The following NCKAP5 variants were observed in gnomAD, a reference collection of about 807,000 sequenced individuals.
NCKAP5 encodes nck-associated protein 5.
Under a neutral mutation model 167.0 loss-of-function variants are expected in NCKAP5, and 92 were observed. That is an observed-to-expected ratio of 0.55 (90% CI 0.47 to 0.66). NCKAP5 has a LOEUF of 0.66. NCKAP5 is among the 30% of genes least tolerant of loss of function. The pLI is 0.00. For synonymous variants in NCKAP5, 891 were observed against 877.4 expected, an observed-to-expected ratio of 1.02 and a Z score of -0.27; for missense variants, 2,378 against 2,315.0, an observed-to-expected ratio of 1.03 and a Z score of -0.56.
At chr2:132,886,987 C>T (rs1692276087) in intron 8 of NCKAP5, among the ~76,000 whole-genome samples, 2 of 152,096 alleles carry the variant, frequency 1.3e-5, no homozygotes, top group Admixed American at 1.3e-4. Context: ...CACTTCTGGT[C>T]CTAAGCATTT....
At chr2:133,024,627 G>T (rs1161599324) in intron 6 of NCKAP5, among the ~76,000 whole-genome samples, 1 of 152,126 alleles carries the variant, frequency 6.6e-6, no homozygotes, top group African/African-American at 2.4e-5. Flanking sequence ...GAAAACAACA[G>T]CTGTGGAAGA....
intron 11 of NCKAP5, 102 bp from the exon 12 acceptor site, chr2:132,796,831 AT>A: frequency 1.3e-6 from 1 of 781,534 alleles, no homozygotes. Context: ...ACATTTCCAG[AT>A]TAGATAATAC....
chr2:133,468,820 G>A (rs191011840), intron 3 of NCKAP5, among the ~76,000 whole-genome samples: 2 of 152,066 alleles, frequency 1.3e-5, no homozygotes, highest in Non-Finnish European at 2.9e-5. Context: ...TTATCAGAGA[G>A]TAGGTTTGCA....
At chr2:133,297,757 G>GAAGA (rs1680071124) in intron 4 of NCKAP5, among the ~76,000 whole-genome samples, 1 of 152,102 alleles carries the variant, frequency 6.6e-6, no homozygotes, top group Admixed American at 6.5e-5. Flanking sequence ...ATTATTATTG[G>GAAGA]AAGATCTAGA....
intron 11 of NCKAP5, among the ~76,000 whole-genome samples, chr2:132,833,520 T>C (rs550667903): frequency 9.8e-4 from 150 of 152,308 alleles, no homozygotes; most frequent in African/African-American, 3.5e-3. Context: ...CTTTAATCCA[T>C]CCTGAGTTGA....
intron 3 of NCKAP5, among the ~76,000 whole-genome samples, chr2:133,454,080 C>T (rs989865996): frequency 1.6e-4 from 25 of 151,736 alleles, no homozygotes; most frequent in African/African-American, 3.1e-4. Context: ...ATTTTTAGTA[C>T]GGCTAAAAAC....
At chr2:133,597,085 G>T in the NCKAP5 span, among the ~76,000 whole-genome samples, 1 of 152,302 alleles carries the variant, frequency 6.6e-6, no homozygotes, top group African/African-American at 2.4e-5. Context: ...CAAATTGCCA[G>T]TGGCATACTT....
chr2:133,018,246 C>T (rs940734061), intron 6 of NCKAP5, among the ~76,000 whole-genome samples: 6 of 152,128 alleles, frequency 3.9e-5, no homozygotes, highest in African/African-American at 1.4e-4. Flanking sequence ...GCCTAGCAAT[C>T]GGGTTGTCTT....
chr2:132,933,705 T>C (rs1696617918), intron 8 of NCKAP5, among the ~76,000 whole-genome samples: 1 of 152,244 alleles, frequency 6.6e-6, no homozygotes, highest in South Asian at 2.1e-4. Context: ...TTTCTTTTTT[T>C]GTCACCATAA....
At chr2:133,461,117 G>A (rs1692172964) in intron 3 of NCKAP5, among the ~76,000 whole-genome samples, 1 of 152,120 alleles carries the variant, frequency 6.6e-6, no homozygotes, top group Non-Finnish European at 1.5e-5. Flanking sequence ...ATGGGATGGG[G>A]CAGGTGAATA....
intron 3 of NCKAP5, among the ~76,000 whole-genome samples, chr2:133,411,559 T>C (rs1031548335): frequency 6.6e-6 from 1 of 152,146 alleles, no homozygotes; most frequent in Non-Finnish European, 1.5e-5. Flanking sequence ...TTGGTTAGGA[T>C]ACGTGGAGAC....
rs1023365240 is a variant in NCKAP5, at chr2:132,962,736, A to G, written c.579+984T>C. On this transcript the variant is annotated intron_variant, in intron 8 of 19. Coordinates refer to ENST00000409261, the MANE Select transcript of NCKAP5 (RefSeq NM_207363.3). ...CTCCTGAGTAACTGGGACTACAGGCACGTGCCACCACGCCTGGCTAATTTT... is the reference window on the plus strand; with the variant it reads ...CTCCTGAGTAACTGGGACTACAGGCGCGTGCCACCACGCCTGGCTAATTTT... Among the ~76,000 whole-genome samples, 191 of 152,182 alleles carry G rather than the reference A, an allele frequency of 1.3e-3. 1 individual carries two copies. The highest frequency in any genetic ancestry group is 3.4e-3 in the African/African-American group (142 of 41,520).
intron 4 of NCKAP5, among the ~76,000 whole-genome samples, chr2:133,276,318 T>C (rs905759137): frequency 7.2e-5 from 11 of 152,096 alleles, no homozygotes; most frequent in African/African-American, 1.4e-4. Flanking sequence ...TCAAATGTTA[T>C]TCAGGGAATT....
At chr2:132,875,872 T>C (rs1691224065) in intron 9 of NCKAP5, among the ~76,000 whole-genome samples, 1 of 152,156 alleles carries the variant, frequency 6.6e-6, no homozygotes, top group African/African-American at 2.4e-5. Flanking sequence ...TACAGGTGTG[T>C]GCGCATGCAT....
At chr2:133,656,326 T>C in the NCKAP5 span, among the ~76,000 whole-genome samples, 5 of 151,614 alleles carry the variant, frequency 3.3e-5, no homozygotes, top group African/African-American at 9.7e-5. Flanking sequence ...AAACACAACA[T>C]GGTAATGGTA....
At chr2:132,998,284 T>G (rs2077667135) in intron 6 of NCKAP5, among the ~76,000 whole-genome samples, 1 of 152,238 alleles carries the variant, frequency 6.6e-6, no homozygotes, top group South Asian at 2.1e-4. Flanking sequence ...AAAATATCTA[T>G]TCACCTTTCC....
At chr2:132,794,684 T>TAC (rs1258385224) in intron 12 of NCKAP5, among the ~76,000 whole-genome samples, 9 of 81,020 alleles carry the variant, frequency 1.1e-4, no homozygotes, top group Non-Finnish European at 2.6e-4. Context: ...CACACACACA[T>TAC]ACACATGTGT....
At chr2:133,310,100 GTTC>G (rs1681125713) in intron 3 of NCKAP5, among the ~76,000 whole-genome samples, 2 of 152,138 alleles carry the variant, frequency 1.3e-5, no homozygotes, top group African/African-American at 4.8e-5. Context: ...GAGGGCATCA[GTTC>G]TTCTCTTAAT....
intron 8 of NCKAP5, among the ~76,000 whole-genome samples, chr2:132,913,722 T>C (rs911450205): frequency 1.3e-5 from 2 of 152,158 alleles, no homozygotes; most frequent in African/African-American, 2.4e-5. Context: ...GTACCTTGCA[T>C]AATAAACATT....
Sources: allele counts gnomAD v4.1 joint callset (sites outside exome capture counted in the v4.1 genomes callset), GRCh38; gene constraint gnomAD v4.1.1; transcripts MANE v1.5; gene names NCBI Gene and HGNC (gene_info 2026-07-23, HGNC 2026-07-21).